The following MAGOH variants were observed in gnomAD, a reference collection of about 807,000 sequenced individuals.
The protein encoded by MAGOH is mago homolog, exon junction complex subunit.
MAGOH carries 3 observed loss-of-function variants against 20.9 expected under a neutral mutation model. That is an observed-to-expected ratio of 0.14 (90% CI 0.07 to 0.37). The LOEUF is 0.37. Among genes scored for constraint, MAGOH ranks in the 10% least tolerant of loss-of-function variants. The pLI is 1.00. For synonymous variants in MAGOH, 51 were observed against 61.0 expected, an observed-to-expected ratio of 0.84 and a Z score of 0.76; for missense variants, 66 against 178.1, an observed-to-expected ratio of 0.37 and a Z score of 3.58.
intron 3 of MAGOH, among the ~76,000 whole-genome samples, chr1:53,231,465 C>G (rs976607315): frequency 8.5e-5 from 13 of 152,174 alleles, no homozygotes; most frequent in Non-Finnish European, 1.6e-4. Context: ...TAATACAAGT[C>G]TATATTCTGT....
At chr1:53,230,753 T>C (rs1345529084) in intron 3 of MAGOH, among the ~76,000 whole-genome samples, 1 of 152,188 alleles carries the variant, frequency 6.6e-6, no homozygotes, top group Non-Finnish European at 1.5e-5. Flanking sequence ...CGTGGTAGTG[T>C]GCTTTAAAAT....
intron 1 of MAGOH, among the ~76,000 whole-genome samples, chr1:53,236,627 T>C (rs995599610): frequency 6.6e-6 from 1 of 152,226 alleles, no homozygotes; most frequent in Non-Finnish European, 1.5e-5. Flanking sequence ...TCATTTTATG[T>C]AGGAAGCCTC....
intron 1 of MAGOH, among the ~76,000 whole-genome samples, chr1:53,236,048 G>A (rs1645608693): frequency 6.6e-6 from 1 of 152,210 alleles, no homozygotes; most frequent in Non-Finnish European, 1.5e-5. Context: ...ATATTATCAT[G>A]TGACTGTGCC....
chr1:53,228,910 T>C lies in MAGOH; in HGVS notation c.303A>G (p.Thr101=). The C allele has an allele frequency of 6.2e-7, 1 of 1,613,658 alleles. No homozygotes were observed. The highest frequency in any genetic ancestry group is 2.2e-5 in the East Asian group (1 of 44,872). ...VIGDEHISFT[T]SKIGSLIDVN... ...CATCAATAAGGGAACCAATTTTTGA[T>C]GTTGTAAAAGAAATGTGTTCATCTC... The change falls in exon 4 of 5, where the codon ACA becomes ACG. Residue 101 remains threonine, a synonymous_variant. Coordinates refer to ENST00000371470, the MANE Select transcript of MAGOH (RefSeq NM_002370.4).
At chr1:53,237,703 A>C in intron 1 of MAGOH, among the ~76,000 whole-genome samples, 1 of 149,846 alleles carries the variant, frequency 6.7e-6, no homozygotes, top group Non-Finnish European at 1.5e-5. Flanking sequence ...AGGCCTTCCA[A>C]GTCCAAACTT....
Position 53,238,366 on chromosome 1 carries a change from G to A in MAGOH, c.83C>T (p.Pro28Leu), listed in dbSNP as rs1449516556. 1 of 1,613,986 alleles carries A rather than the reference G, an allele frequency of 6.2e-7. No individual in the cohort carries two copies. Among genetic ancestry groups the A allele is most frequent in the African/African-American group, 1.3e-5 (1 of 74,908 alleles). ...GGGCGGCAGGCTGCTTTTACCGTCC[G>A]GTCGAAACTCAAACTCCAGGAACTC... ...GHEFLEFEFR[P>L]DGKLRYANNS... Residue 28 changes from proline to leucine, a missense_variant, in exon 1 of 5, where the codon CCG (proline) becomes CTG (leucine). Coordinates refer to ENST00000371470, the MANE Select transcript of MAGOH (RefSeq NM_002370.4).
intron 3 of MAGOH, among the ~76,000 whole-genome samples, chr1:53,229,178 T>C (rs551054469): frequency 6.6e-6 from 1 of 151,752 alleles, no homozygotes; most frequent in East Asian, 1.9e-4. Context: ...ATTTCTCAGA[T>C]TTGGAAAAAT....
intron 4 of MAGOH, 75 bp downstream of exon 4, chr1:53,228,797 C>T: frequency 8.9e-7 from 1 of 1,128,698 alleles, no homozygotes; most frequent in Non-Finnish European, 1.3e-6. Flanking sequence ...CCATAATGGT[C>T]CCAATTTGGT....
chr1:53,235,759 A>G, intron 1 of MAGOH, 124 bp from the exon 2 acceptor site: 1 of 728,690 alleles, frequency 1.4e-6, no homozygotes, highest in Non-Finnish European at 2.4e-6. Flanking sequence ...TAACAGATTT[A>G]TTATTTACTC....
chr1:53,232,945 A>T (rs1645593425), intron 3 of MAGOH, among the ~76,000 whole-genome samples: 1 of 152,190 alleles, frequency 6.6e-6, no homozygotes, highest in Non-Finnish European at 1.5e-5. Flanking sequence ...TACTACAAAT[A>T]CAAAAATTAG....
chr1:53,236,766 G>C (rs567526813), intron 1 of MAGOH, among the ~76,000 whole-genome samples: 1 of 152,122 alleles, frequency 6.6e-6, no homozygotes, highest in African/African-American at 2.4e-5. Context: ...GTCGAGGCCT[G>C]TCAGATTCAT....
Position 53,237,673 on chromosome 1 carries a change from C to CAAAAAAAAAAAAA in MAGOH, c.88+675_88+687dup, listed in dbSNP as rs1231950502. Among the ~76,000 whole-genome samples, 323 of 55,314 alleles carry CAAAAAAAAAAAAA rather than the reference C, an allele frequency of 5.8e-3. 18 individuals are homozygous for CAAAAAAAAAAAAA. The highest frequency in any genetic ancestry group is 0.015 in the African/African-American group (236 of 15,916). The allele number at this position is 55,314 out of a possible 152,430, so 36.3% of individuals were successfully genotyped here. ...TGGGCAAAAAGAGCGAAAGCCGTCT[C>CAAAAAAAAAAAAA]AAAAAAAAAAAAAAAAAAAAGGCCT... On this transcript the variant is annotated intron_variant, in intron 1 of 4. Transcript: ENST00000371470.
intron 2 of MAGOH, 29 bp from the exon 3 acceptor site, chr1:53,233,681 T>C (rs1415546564): frequency 7.2e-7 from 1 of 1,391,330 alleles, no homozygotes; most frequent in South Asian, 1.2e-5. Flanking sequence ...ACAAAATGTA[T>C]GTTGTATCCT....
At position 53,233,648 on chromosome 1, in the gene MAGOH, T is replaced by A; in HGVS notation, c.152A>T (p.Tyr51Phe). 6.2e-7 allele frequency: 1 copy of A among 1,605,644 alleles called. No homozygotes were observed. Among genetic ancestry groups the A allele is most frequent in the Non-Finnish European group, 8.5e-7 (1 of 1,172,500 alleles). The change falls in exon 3 of 5, where the codon TAT becomes TTT. Residue 51 changes from tyrosine to phenylalanine, a missense_variant. Physicochemically the swap from Tyr to Phe is conservative, Grantham distance 22. Transcript: ENST00000371470. ...TTCCTCCATCACGCTTTTATGTACA[T>A]AAGCCTGAACGCAAGTTAAAAAACA... ...KNDVMIRKEA[Y>F]VHKSVMEELK...
intron 2 of MAGOH, 58 bp downstream of exon 2, chr1:53,235,519 A>C (rs1645606543): frequency 6.9e-7 from 1 of 1,452,504 alleles, no homozygotes. Flanking sequence ...AAAACAATGC[A>C]AGACAAAAAG....
At chr1:53,229,697 T>C (rs954150787) in intron 3 of MAGOH, among the ~76,000 whole-genome samples, 2 of 152,126 alleles carry the variant, frequency 1.3e-5, no homozygotes, top group African/African-American at 4.8e-5. Context: ...TGCAGGAGAA[T>C]CACTTGAGCC....
In MAGOH at chr1:53,233,672, C is replaced by A. The variant is rs765975048; in HGVS notation, c.148-20G>T. On this transcript the variant is annotated intron_variant, in intron 2 of 4. Coordinates refer to ENST00000371470, the MANE Select transcript of MAGOH (RefSeq NM_002370.4). The stretch of plus-strand genomic sequence containing the variant: ...ATAAGCCTGAACGCAAGTTAAAAAA[C>A]AAAATGTATGTTGTATCCTTAAGCA... The A allele has an allele frequency of 2.1e-5, 31 of 1,477,014 alleles. No individual in the cohort carries two copies. The highest frequency in any genetic ancestry group is 2.8e-5 in the Non-Finnish European group (30 of 1,056,016). The allele number at this position is 1,477,014 out of a possible 1,614,324, so 91.5% of individuals were successfully genotyped here.
intron 4 of MAGOH, among the ~76,000 whole-genome samples, chr1:53,228,022 T>C (rs1645568717): frequency 6.6e-6 from 1 of 152,178 alleles, no homozygotes; most frequent in South Asian, 2.1e-4. Context: ...GTTGCCAAAT[T>C]CTAAGGATTC....
intron 1 of MAGOH, among the ~76,000 whole-genome samples, chr1:53,237,590 C>T (rs1349667922): frequency 1.4e-5 from 2 of 145,516 alleles, no homozygotes; most frequent in African/African-American, 5.1e-5. Context: ...AGGAGAATCA[C>T]TTGAACCCGG....
Sources: gnomAD v4.1 joint callset for allele counts (sites outside exome capture counted in the v4.1 genomes callset) on GRCh38, gnomAD v4.1.1 for gene constraint, MANE v1.5 for transcripts, NCBI Gene and HGNC (gene_info 2026-07-23, HGNC 2026-07-21) for gene names.